Variants in MICU2 observed in about 807,000 individuals in gnomAD.
The protein encoded by MICU2 is calcium uptake protein 2, mitochondrial.
MICU2 carries 64 observed loss-of-function variants against 60.4 expected under a neutral mutation model. The observed-to-expected ratio is 1.06, with a 90% confidence interval of 0.87 to 1.31. The LOEUF is 1.31. MICU2 is among the 50% of genes most tolerant of loss of function. The pLI, the probability that MICU2 is intolerant of heterozygous loss-of-function variation, is 0.00. For synonymous variants in MICU2, 201 were observed against 175.0 expected (o/e 1.15, Z -1.17); for missense variants, 569 against 531.0 (o/e 1.07, Z -0.70).
At chr13:21,603,849 G>T in intron 1 of MICU2, 90 bp downstream of exon 1, 1 of 1,420,676 alleles carries the variant, frequency 7.0e-7, no homozygotes, top group Non-Finnish European at 9.6e-7. Context: ...GGCTCCGGGA[G>T]AGCCGCCCAG....
At chr13:21,560,918 T>C (rs1887825309) in intron 2 of MICU2, among the ~76,000 whole-genome samples, 1 of 152,222 alleles carries the variant, frequency 6.6e-6, no homozygotes, top group Admixed American at 6.5e-5. Context: ...AGGTTTTAAA[T>C]TTTCCACTTG....
intron 9 of MICU2, among the ~76,000 whole-genome samples, chr13:21,497,416 A>G (rs1044717483): frequency 2.6e-5 from 4 of 152,088 alleles, no homozygotes; most frequent in African/African-American, 9.7e-5. Context: ...TTTTTCCATT[A>G]AAACAATAAA....
At chr13:21,506,397 T>C (rs926272736) in intron 8 of MICU2, among the ~76,000 whole-genome samples, 1 of 152,172 alleles carries the variant, frequency 6.6e-6, no homozygotes, top group Non-Finnish European at 1.5e-5. Context: ...TCTTCAAGTA[T>C]GGCTTAAAGA....
At chr13:21,551,870 T>G (rs1394223018) in intron 2 of MICU2, among the ~76,000 whole-genome samples, 1 of 152,112 alleles carries the variant, frequency 6.6e-6, no homozygotes, top group East Asian at 1.9e-4. Flanking sequence ...TCTTTGCTAT[T>G]GCGAATAGTG....
intron 10 of MICU2, 187 bp downstream of exon 10, chr13:21,495,865 A>G (rs918357962): frequency 2.0e-6 from 1 of 492,602 alleles, no homozygotes; most frequent in Non-Finnish European, 3.5e-6. Flanking sequence ...ATGAGAAAAT[A>G]AAAGTATAGA....
At chr13:21,597,999 AAC>A (rs1803050251) in intron 1 of MICU2, among the ~76,000 whole-genome samples, 2 of 152,018 alleles carry the variant, frequency 1.3e-5, no homozygotes, top group South Asian at 4.1e-4. Context: ...AACAACTGAT[AAC>A]AGAGAAGACT....
intron 8 of MICU2, among the ~76,000 whole-genome samples, chr13:21,507,847 C>A (rs1886327091): frequency 2.0e-5 from 3 of 152,024 alleles, no homozygotes; most frequent in African/African-American, 7.2e-5. Context: ...TCGTGATCTG[C>A]CCGCCTTGGC....
At chr13:21,589,764 T>C (rs78229199) in intron 1 of MICU2, among the ~76,000 whole-genome samples, 20,982 of 145,244 alleles carry the variant, frequency 0.14, 1,614 homozygotes, top group Middle Eastern at 0.24. Context: ...TAACCATTTT[T>C]CCCACCAAAC....
At chr13:21,601,833 C>G (rs187470139) in intron 1 of MICU2, among the ~76,000 whole-genome samples, 2,060 of 152,284 alleles carry the variant, frequency 0.014, 30 homozygotes, top group African/African-American at 0.042. Flanking sequence ...TGGCCGGGCG[C>G]TGTGGCTCAC....
intron 1 of MICU2, among the ~76,000 whole-genome samples, chr13:21,592,189 C>G (rs563865994): frequency 4.6e-5 from 7 of 152,260 alleles, no homozygotes; most frequent in Admixed American, 4.6e-4. Context: ...GATATCACCA[C>G]TGACCCCACA....
intron 4 of MICU2, among the ~76,000 whole-genome samples, chr13:21,535,934 G>A (rs375146519): frequency 2.0e-5 from 3 of 152,166 alleles, no homozygotes; most frequent in African/African-American, 7.2e-5. Flanking sequence ...TAATTTCCCC[G>A]GGTCATAAAA....
intron 1 of MICU2, among the ~76,000 whole-genome samples, chr13:21,596,720 G>A (rs183772280): frequency 4.6e-5 from 7 of 152,220 alleles, no homozygotes; most frequent in East Asian, 1.9e-4. Flanking sequence ...CACTATGCCC[G>A]GCCTCACATT....
At chr13:21,503,175 C>T in intron 8 of MICU2, 78 bp from the exon 9 acceptor site, 1 of 1,028,402 alleles carries the variant, frequency 9.7e-7, no homozygotes, top group South Asian at 1.6e-5. Flanking sequence ...CTGCAAAGTA[C>T]CTTCACTATT....
intron 2 of MICU2, among the ~76,000 whole-genome samples, chr13:21,565,405 C>G (rs966823095): frequency 6.6e-6 from 1 of 152,134 alleles, no homozygotes; most frequent in Non-Finnish European, 1.5e-5. Flanking sequence ...TGCTTGCAAT[C>G]CCAGCACTTT....
At chr13:21,528,567 C>T (rs1436224003) in intron 4 of MICU2, among the ~76,000 whole-genome samples, 3 of 152,128 alleles carry the variant, frequency 2.0e-5, no homozygotes, top group Non-Finnish European at 4.4e-5. Context: ...CTGTATTGGG[C>T]TTCCTCACAA....
intron 9 of MICU2, among the ~76,000 whole-genome samples, chr13:21,498,366 ATTCTTTTTTTT>A (rs1253764061): frequency 4.3e-5 from 4 of 93,898 alleles, no homozygotes; most frequent in Non-Finnish European, 8.1e-5. Flanking sequence ...GAAATATCCT[ATTCTTTTTTTT>A]TTTTTTTTTT....
At chr13:21,558,984 C>T (rs1448982346) in intron 2 of MICU2, among the ~76,000 whole-genome samples, 4 of 152,158 alleles carry the variant, frequency 2.6e-5, no homozygotes, top group Non-Finnish European at 5.9e-5. Context: ...TTCTTGGCTG[C>T]ACCAGTTTGG....
chr13:21,577,295 A>C (rs7994033), intron 1 of MICU2, among the ~76,000 whole-genome samples: 35,612 of 152,022 alleles, frequency 0.23, 5,094 homozygotes, highest in East Asian at 0.66. Context: ...CCTCTAATTA[A>C]AACACCTTAC....
intron 2 of MICU2, among the ~76,000 whole-genome samples, chr13:21,542,370 T>C (rs1887304286): frequency 6.6e-6 from 1 of 152,234 alleles, no homozygotes; most frequent in Non-Finnish European, 1.5e-5. Flanking sequence ...TATTTAAGGA[T>C]AAAACCCATC....
Sources: gnomAD v4.1 joint callset for allele counts (sites outside exome capture counted in the v4.1 genomes callset) on GRCh38, gnomAD v4.1.1 for gene constraint, MANE v1.5 for transcripts, NCBI Gene and HGNC (gene_info 2026-07-23, HGNC 2026-07-21) for gene names.